The following DLEU7 variants were observed in gnomAD, a reference collection of about 807,000 sequenced individuals.
DLEU7 encodes deleted in lymphocytic leukemia 7, also known as leukemia-associated protein 7.
In DLEU7, 17 loss-of-function variants were observed where a neutral mutation model predicts 16.0. That is an observed-to-expected ratio of 1.06 (90% CI 0.73 to 1.59). The LOEUF (loss-of-function observed/expected upper bound fraction) is 1.59, where lower values mean the gene tolerates loss of function less well. Among genes scored for constraint, DLEU7 ranks in the 40% most tolerant of loss-of-function variants. DLEU7 has a pLI of 0.00. For synonymous variants in DLEU7, 113 were observed against 139.8 expected, an observed-to-expected ratio of 0.81 and a Z score of 1.35; for missense variants, 308 against 314.9, an observed-to-expected ratio of 0.98 and a Z score of 0.17.
chr13:50,781,723 G>A (rs916521146), intron 1 of DLEU7, among the ~76,000 whole-genome samples: 7 of 152,032 alleles, frequency 4.6e-5, no homozygotes, highest in South Asian at 4.1e-4. Context: ...TCTGTCCTTC[G>A]CATCTCAGCT....
intron 1 of DLEU7, among the ~76,000 whole-genome samples, chr13:50,725,399 T>C (rs1199969502): frequency 6.6e-6 from 1 of 152,188 alleles, no homozygotes; most frequent in African/African-American, 2.4e-5. Context: ...TGTGCACTGC[T>C]TAAGATCTGA....
At chr13:50,756,549 G>T (rs774411572) in intron 1 of DLEU7, among the ~76,000 whole-genome samples, 45 of 152,126 alleles carry the variant, frequency 3.0e-4, no homozygotes, top group Non-Finnish European at 5.4e-4. Context: ...TCAGAGGGCC[G>T]GTCTCCCTCT....
At chr13:50,718,150 A>G (rs1344667379) in intron 1 of DLEU7, among the ~76,000 whole-genome samples, 1 of 152,218 alleles carries the variant, frequency 6.6e-6, no homozygotes, top group Non-Finnish European at 1.5e-5. Context: ...AAATGTATCA[A>G]TGTGCTCCAG....
rs553788955 is a variant in DLEU7 at position 50,750,448 on chromosome 13, A to AT, written c.460-37209dup. On this transcript the variant is annotated intron_variant, in intron 1 of 1. Coordinates refer to the DLEU7 transcript ENST00000400393. ...TTTTTGGTTCCATATGAATTTTAGA[A>AT]TTTTTTTTTCTAATTCGGTGAAGAA... Among the ~76,000 whole-genome samples the AT allele has an allele frequency of 9.9e-5, 15 of 151,194 alleles. No individual in the cohort carries two copies. The South Asian group carries it at 2.1e-3, about 21-fold the overall frequency.
chr13:50,810,919 A>T (rs1485916570), intron 1 of DLEU7, among the ~76,000 whole-genome samples: 1 of 152,200 alleles, frequency 6.6e-6, no homozygotes, highest in African/African-American at 2.4e-5. Context: ...ATTCATTTTT[A>T]AAAGTAGTGT....
Position 50,843,403 on chromosome 13 carries a change from G to A in DLEU7, c.244C>T (p.Arg82Trp). 1 of 1,316,642 alleles carries A rather than the reference G, an allele frequency of 7.6e-7. No homozygotes were observed. Among genetic ancestry groups the A allele is most frequent in the Non-Finnish European group, 9.6e-7 (1 of 1,036,720 alleles). 81.6% of individuals were successfully genotyped at this position (1,316,642 alleles called of 1,614,324 possible). Residue 82 changes from arginine (R) to tryptophan (W), a missense_variant, in exon 1 of 2, where the codon CGG (arginine) becomes TGG (tryptophan). Coordinates refer to ENST00000504404, the MANE Select transcript of DLEU7 (RefSeq NM_001306135.2). The surrounding 1 kb of genome is among the most constrained non-coding windows in gnomAD (Gnocchi z 5.7). ...VGTRSRRTAA[R>W]ANSPEEEVVR... ...ACCTCCTCCTCTGGGGAGTTCGCCC[G>A]CGCCGCGGTCCGCCGACTCCTGGTC...
intron 1 of DLEU7, among the ~76,000 whole-genome samples, chr13:50,714,509 GA>G (rs558639450): frequency 2.6e-4 from 40 of 151,572 alleles, no homozygotes; most frequent in Admixed American, 1.6e-3. Context: ...TTTGAGCTGA[GA>G]AAAAAAAATA....
At chr13:50,763,075 A>G (rs1044065319) in intron 1 of DLEU7, among the ~76,000 whole-genome samples, 2 of 152,266 alleles carry the variant, frequency 1.3e-5, no homozygotes, top group East Asian at 1.9e-4. Flanking sequence ...CTGGCAGTTA[A>G]TTAAAGGAGA....
chr13:50,734,166 G>A (rs554677590), intron 1 of DLEU7, among the ~76,000 whole-genome samples: 1 of 152,260 alleles, frequency 6.6e-6, no homozygotes, highest in South Asian at 2.1e-4. Flanking sequence ...TTCTACTCCT[G>A]CCAGAAACAA....
rs151012684 is a variant in DLEU7, at chr13:50,764,284, T to G, written c.460-51044A>C. ...ATCATTCATAGTTGCTTCTGTGAAC[T>G]CCATAAAAGGAGTTCAACAGTCTTG... On this transcript the variant is annotated intron_variant, in intron 1 of 1. Transcript: ENST00000400393. Among the ~76,000 whole-genome samples, 870 of 152,346 alleles carry G rather than the reference T, an allele frequency of 5.7e-3. 8 individuals carry two copies. Among genetic ancestry groups the G allele is most frequent in the African/African-American group, 0.02 (839 of 41,574 alleles).
At chr13:50,736,183 G>A (rs1381473435) in intron 1 of DLEU7, among the ~76,000 whole-genome samples, 3 of 152,138 alleles carry the variant, frequency 2.0e-5, no homozygotes, top group Non-Finnish European at 2.9e-5. Flanking sequence ...TGCAGCCATA[G>A]TAAAAGAAAG....
chr13:50,834,130 G>A (rs1188589087), intron 1 of DLEU7, among the ~76,000 whole-genome samples: 1 of 151,510 alleles, frequency 6.6e-6, no homozygotes, highest in Non-Finnish European at 1.5e-5. Flanking sequence ...ATAGGCATGG[G>A]CAAAGACTTC....
chr13:50,770,839 A>G (rs1038715320), intron 1 of DLEU7, among the ~76,000 whole-genome samples: 1 of 152,146 alleles, frequency 6.6e-6, no homozygotes, highest in African/African-American at 2.4e-5. Flanking sequence ...TTTCAGAAGG[A>G]ATGGTACCAG....
At chr13:50,781,667 G>A (rs1875651958) in intron 1 of DLEU7, among the ~76,000 whole-genome samples, 1 of 152,194 alleles carries the variant, frequency 6.6e-6, no homozygotes. Context: ...ATTATCAATA[G>A]CAACCATGAT....
exon 2 of DLEU7, chr13:50,713,033 TAAG>T (rs1349496732): frequency 9.8e-6 from 6 of 614,308 alleles, no homozygotes; most frequent in African/African-American, 9.3e-5. Flanking sequence ...TCGGAGGTAA[TAAG>T]AAGTCAGAGA....
At chr13:50,837,735 T>C (rs550825121) in intron 1 of DLEU7, among the ~76,000 whole-genome samples, 1 of 152,324 alleles carries the variant, frequency 6.6e-6, no homozygotes, top group East Asian at 1.9e-4. Flanking sequence ...AGTGCTTTTT[T>C]CGCCAATAGG....
intron 1 of DLEU7, among the ~76,000 whole-genome samples, chr13:50,785,049 T>G (rs531174318): frequency 3.5e-4 from 54 of 152,294 alleles, no homozygotes; most frequent in Non-Finnish European, 6.3e-4. Flanking sequence ...GGAAGTGCCA[T>G]GACTGTTGGT....
At chr13:50,780,225 C>A (rs1875615268) in intron 1 of DLEU7, among the ~76,000 whole-genome samples, 1 of 152,104 alleles carries the variant, frequency 6.6e-6, no homozygotes, top group Admixed American at 6.5e-5. Context: ...TAGAAGTTCA[C>A]CCTAGGAGTA....
At chr13:50,811,282 G>T (rs927845720) in intron 1 of DLEU7, among the ~76,000 whole-genome samples, 1 of 152,062 alleles carries the variant, frequency 6.6e-6, no homozygotes, top group African/African-American at 2.4e-5. Flanking sequence ...AAGAACCGAG[G>T]GAAGGCCTTT....
Sources: gnomAD v4.1 joint callset for allele counts (sites outside exome capture counted in the v4.1 genomes callset) on GRCh38, gnomAD v4.1.1 for gene constraint, Gnocchi (gnomAD v3.1) non-coding constraint, MANE v1.5 for transcripts, NCBI Gene and HGNC (gene_info 2026-07-23, HGNC 2026-07-21) for gene names.